Variants in TMEM67 observed in about 807,000 individuals in gnomAD.
TMEM67 encodes the protein transmembrane protein 67, also known as meckelin.
TMEM67 carries 124 observed loss-of-function variants against 136.6 expected under a neutral mutation model. The ratio of observed to expected loss-of-function variants is 0.91; its 90% CI spans 0.78 to 1.05. The LOEUF (loss-of-function observed/expected upper bound fraction) is 1.05. Among genes scored for constraint, TMEM67 ranks in the 50% least tolerant of loss-of-function variants. TMEM67 has a pLI of 0.00. For synonymous variants in TMEM67, 364 were observed against 390.5 expected (o/e 0.93, Z 0.80); for missense variants, 1,107 against 1,178.4 (o/e 0.94, Z 0.89).
intron 12 of TMEM67, chr8:93,785,608 A>G (rs1814059257): frequency 4.6e-6 from 2 of 436,854 alleles, no homozygotes; most frequent in South Asian, 4.1e-5. Flanking sequence ...TGCTGAGGGT[A>G]TATCCTGAGA....
the TMEM67 span, among the ~76,000 whole-genome samples, chr8:93,830,353 C>G: frequency 6.6e-6 from 1 of 152,166 alleles, no homozygotes; most frequent in Non-Finnish European, 1.5e-5. Flanking sequence ...CAATGTGTTT[C>G]CCTGAGTTCT....
intron 23 of TMEM67, 45 bp from the exon 24 acceptor site, chr8:93,808,795 A>AT: frequency 7.7e-7 from 1 of 1,293,790 alleles, no homozygotes; most frequent in Non-Finnish European, 1.1e-6. Flanking sequence ...GAGGCAGGAA[A>AT]TTTTTTATAA....
chr8:93,828,761 G>GTTT, the TMEM67 span, among the ~76,000 whole-genome samples: 3 of 142,840 alleles, frequency 2.1e-5, no homozygotes, highest in African/African-American at 7.8e-5. Context: ...AAAAAAAAAA[G>GTTT]TATTAACTCA....
the TMEM67 span, among the ~76,000 whole-genome samples, chr8:93,829,227 G>A: frequency 6.6e-6 from 1 of 152,096 alleles, no homozygotes; most frequent in African/African-American, 2.4e-5. Context: ...CTCCATTCAA[G>A]GGCAGAAATA....
chr8:93,804,931 T>C (rs1815069090), intron 23 of TMEM67, 53 bp downstream of exon 23: 2 of 1,020,090 alleles, frequency 2.0e-6, no homozygotes, highest in South Asian at 1.3e-5. Context: ...TGGATTCTTA[T>C]AAATGCTGGA....
intron 22 of TMEM67, 152 bp from the exon 23 acceptor site, chr8:93,804,610 T>C: frequency 1.9e-6 from 1 of 521,868 alleles, no homozygotes; most frequent in Non-Finnish European, 3.4e-6. Flanking sequence ...CAAACCTTAT[T>C]ATCCTTCATT....
At chr8:93,785,148 T>A in intron 11 of TMEM67, 74 bp from the exon 12 acceptor site, 1 of 930,242 alleles carries the variant, frequency 1.1e-6, no homozygotes. Context: ...ATTGTGATCT[T>A]TTATTTTATT....
At chr8:93,826,857 C>A in the TMEM67 span, among the ~76,000 whole-genome samples, 1 of 152,042 alleles carries the variant, frequency 6.6e-6, no homozygotes, top group Admixed American at 6.6e-5. Context: ...GAGATAGAGT[C>A]TCGCTTTTGT....
At chr8:93,797,495 A>T in intron 20 of TMEM67, 25 bp downstream of exon 20, 5 of 1,605,476 alleles carry the variant, frequency 3.1e-6, no homozygotes, top group Non-Finnish European at 4.3e-6. Flanking sequence ...ATGTGATTAT[A>T]TGCGACTTAC....
downstream of TMEM67, among the ~76,000 whole-genome samples, chr8:93,823,725 A>T (rs999799913): frequency 4.6e-5 from 7 of 152,140 alleles, no homozygotes; most frequent in African/African-American, 1.7e-4. Context: ...TCGAAAAGGG[A>T]TTTACTTAGA....
intron 14 of TMEM67, 175 bp from the exon 15 acceptor site, chr8:93,791,084 CAAGT>C (rs1814354855): frequency 1.8e-6 from 1 of 550,410 alleles, no homozygotes; most frequent in African/African-American, 1.9e-5. Context: ...TAAAGCAGCA[CAAGT>C]AATTCTCAAA....
At chr8:93,783,867 C>T (rs1338489105) in intron 11 of TMEM67, among the ~76,000 whole-genome samples, 1 of 152,150 alleles carries the variant, frequency 6.6e-6, no homozygotes, top group Non-Finnish European at 1.5e-5. Context: ...AGGGTAACTG[C>T]CCCTATGATT....
At chr8:93,764,151 C>T (rs1812976008) in intron 4 of TMEM67, among the ~76,000 whole-genome samples, 1 of 152,082 alleles carries the variant, frequency 6.6e-6, no homozygotes, top group African/African-American at 2.4e-5. Flanking sequence ...AGTTGTCTGA[C>T]CTTGGATAGC....
downstream of TMEM67, chr8:93,818,840 T>C (rs1476387274): frequency 6.6e-6 from 2 of 300,814 alleles, no homozygotes; most frequent in East Asian, 1.0e-4. Flanking sequence ...CTCACTCTTA[T>C]CACCCAGGTT....
chr8:93,801,931 A>G (rs1031642483), intron 21 of TMEM67, among the ~76,000 whole-genome samples: 3 of 152,214 alleles, frequency 2.0e-5, no homozygotes, highest in African/African-American at 7.2e-5. Flanking sequence ...TTTATCATCA[A>G]TGTTAAGGAA....
At chr8:93,783,641 C>G (rs538457071) in intron 11 of TMEM67, among the ~76,000 whole-genome samples, 14 of 152,220 alleles carry the variant, frequency 9.2e-5, no homozygotes, top group Middle Eastern at 6.8e-3. Context: ...AAAACACATC[C>G]GAGACTGGGT....
intron 26 of TMEM67, among the ~76,000 whole-genome samples, chr8:93,811,758 A>G (rs1207366903): frequency 6.6e-6 from 1 of 152,114 alleles, no homozygotes; most frequent in Non-Finnish European, 1.5e-5. Flanking sequence ...CATGATCAAA[A>G]TGATTTAGAA....
chr8:93,809,921 C>T, intron 26 of TMEM67, 34 bp downstream of exon 26: 4 of 1,339,298 alleles, frequency 3.0e-6, no homozygotes, highest in Non-Finnish European at 4.2e-6. Context: ...AACTTGATAA[C>T]TGTTTTCAAA....
intron 26 of TMEM67, among the ~76,000 whole-genome samples, chr8:93,811,683 T>C (rs1411157468): frequency 1.3e-5 from 2 of 152,088 alleles, no homozygotes; most frequent in South Asian, 4.1e-4. Flanking sequence ...GAGTAGTAAT[T>C]AATAAAATAT....
Sources: allele counts gnomAD v4.1 joint callset (sites outside exome capture counted in the v4.1 genomes callset), GRCh38; gene constraint gnomAD v4.1.1; transcripts MANE v1.5; gene names NCBI Gene and HGNC (gene_info 2026-07-23, HGNC 2026-07-21).